The following WIF1 variants were observed in gnomAD, a reference collection of about 807,000 sequenced individuals.
WIF1 encodes Wnt inhibitory factor 1.
In WIF1, 35 loss-of-function variants were observed where a neutral mutation model predicts 53.5. That is an observed-to-expected ratio of 0.65 (90% CI 0.50 to 0.87). WIF1 has a LOEUF of 0.87. WIF1 is among the 40% of genes least tolerant of loss of function. The pLI is 0.00. For missense variants in WIF1, 467 were observed against 476.8 expected (o/e 0.98, Z 0.19); for synonymous variants, 171 against 170.4 (o/e 1.00, Z -0.03).
intron 7 of WIF1, 135 bp from the exon 8 acceptor site, chr12:65,056,261 C>A (rs1349209645): frequency 1.0e-5 from 7 of 676,722 alleles, no homozygotes; most frequent in Non-Finnish European, 1.6e-5. Context: ...TTCAGATCTA[C>A]TCTGGCTTTT....
At chr12:65,119,365 G>T (rs997039511) in intron 2 of WIF1, among the ~76,000 whole-genome samples, 5 of 152,024 alleles carry the variant, frequency 3.3e-5, no homozygotes, top group Admixed American at 1.3e-4. Flanking sequence ...AGTGTTGAAG[G>T]TTCTAGATTT....
At chr12:65,078,271 G>T (rs1882895661) in intron 2 of WIF1, among the ~76,000 whole-genome samples, 1 of 152,100 alleles carries the variant, frequency 6.6e-6, no homozygotes, top group African/African-American at 2.4e-5. Flanking sequence ...TAGAGACAGG[G>T]TTTCACCATG....
At chr12:65,101,757 T>C (rs183263127) in intron 2 of WIF1, among the ~76,000 whole-genome samples, 68 of 152,290 alleles carry the variant, frequency 4.5e-4, no homozygotes, top group African/African-American at 1.6e-3. Context: ...GTGAAATACT[T>C]GTCTGAGGGC....
chr12:65,112,403 A>AACACACACACAC (rs1555188362), intron 2 of WIF1, among the ~76,000 whole-genome samples: 1 of 27,116 alleles, frequency 3.7e-5, no homozygotes, highest in Non-Finnish European at 1.1e-4. Flanking sequence ...CCCTGCTCTA[A>AACACACACACAC]TCACACACAC....
chr12:65,076,876 T>C (rs1882868828), intron 3 of WIF1, among the ~76,000 whole-genome samples: 1 of 151,256 alleles, frequency 6.6e-6, no homozygotes, highest in Admixed American at 6.6e-5. Flanking sequence ...TAGGAAATGG[T>C]TATGTTAAAA....
At chr12:65,112,444 ACACACACC>A (rs1883446773) in intron 2 of WIF1, among the ~76,000 whole-genome samples, 1 of 148,274 alleles carries the variant, frequency 6.7e-6, no homozygotes, top group African/African-American at 2.6e-5. Context: ...ACACACACAC[ACACACACC>A]ATCCTGGAGC....
At chr12:65,083,838 T>TTTCTTTTCTTTTCTTTTC (rs1204368231) in intron 2 of WIF1, 2 of 384,748 alleles carry the variant, frequency 5.2e-6, no homozygotes, top group African/African-American at 4.8e-5. Context: ...TCTCTTTTCT[T>TTTCTTTTCTTTTCTTTTC]TTCTTTTCTT....
chr12:65,086,459 A>T (rs1462239273), intron 2 of WIF1, among the ~76,000 whole-genome samples: 1 of 152,212 alleles, frequency 6.6e-6, no homozygotes, highest in Non-Finnish European at 1.5e-5. Flanking sequence ...AAATGTCATT[A>T]CAAGTGGTGT....
At chr12:65,104,464 G>T (rs1029744086) in intron 2 of WIF1, among the ~76,000 whole-genome samples, 13 of 152,324 alleles carry the variant, frequency 8.5e-5, no homozygotes, top group African/African-American at 2.6e-4. Flanking sequence ...CATGGATTCT[G>T]CAGTCAGACT....
intron 9 of WIF1, among the ~76,000 whole-genome samples, chr12:65,054,377 G>T (rs899526189): frequency 1.3e-5 from 2 of 152,108 alleles, no homozygotes; most frequent in Non-Finnish European, 1.5e-5. Flanking sequence ...ACTCCACAAG[G>T]CAGGGCCTTT....
rs1239951601 is a variant in WIF1, at chr12:65,068,853, A to G, written c.449T>C (p.Phe150Ser). The change falls in exon 4 of 10, where the codon TTT becomes TCT. Residue 150 changes from phenylalanine (F) to serine (S), a missense_variant. Transcript: ENST00000286574. Reference protein sequence around the residue: ...CLGKQDGVAAFEVDVIVMNSE... With the variant: ...CLGKQDGVAASEVDVIVMNSE... ...ATTCATAACAATCACATCCACTTCAAATGCTGCCACCCCATCCTGTTTTCC... is the reference window on the plus strand; with the variant it reads ...ATTCATAACAATCACATCCACTTCAGATGCTGCCACCCCATCCTGTTTTCC... 2 of 1,613,616 alleles carry G rather than the reference A, an allele frequency of 1.2e-6. No homozygotes were observed. Among genetic ancestry groups the G allele is most frequent in the Non-Finnish European group, 1.7e-6 (2 of 1,179,746 alleles).
At chr12:65,054,272 T>C (rs1882490808) in intron 9 of WIF1, 2 of 152,124 alleles carry the variant, frequency 1.3e-5, no homozygotes, top group Admixed American at 1.3e-4. Flanking sequence ...CAAACTAAAG[T>C]GGACAGTGGG....
intron 1 of WIF1, 159 bp from the exon 2 acceptor site, chr12:65,120,715 C>A: frequency 2.2e-6 from 2 of 923,540 alleles, no homozygotes; most frequent in Non-Finnish European, 3.1e-6. Context: ...TAATTTTTCT[C>A]TGTGGATGAT....
intron 2 of WIF1, among the ~76,000 whole-genome samples, chr12:65,085,407 G>A (rs1883021148): frequency 6.6e-6 from 1 of 152,148 alleles, no homozygotes; most frequent in African/African-American, 2.4e-5. Flanking sequence ...ATGAAGTCAG[G>A]TGTGGAATTT....
In WIF1 at chr12:65,084,537, A is replaced by G. The variant is rs563664595; in HGVS notation, c.289-6683T>C. ...CCAGCTTGGCCCTTAAACATCTACCACTATGTATTATTATTTAACTTTTCA... is the reference window on the plus strand; with the variant it reads ...CCAGCTTGGCCCTTAAACATCTACCGCTATGTATTATTATTTAACTTTTCA... On this transcript the variant is annotated intron_variant, in intron 2 of 9. Transcript: ENST00000286574. Among the ~76,000 whole-genome samples the G allele has an allele frequency of 9.2e-5, 14 of 152,286 alleles. No homozygotes were observed. The East Asian group carries it at 2.5e-3, about 27-fold the overall frequency.
chr12:65,078,444 T>C (rs1882897907), intron 2 of WIF1, among the ~76,000 whole-genome samples: 1 of 152,152 alleles, frequency 6.6e-6, no homozygotes, highest in African/African-American at 2.4e-5. Context: ...AAAAATTCTC[T>C]TAGGGAAATA....
At chr12:65,085,295 TG>T (rs1257840021) in intron 2 of WIF1, among the ~76,000 whole-genome samples, 2 of 152,162 alleles carry the variant, frequency 1.3e-5, no homozygotes, top group African/African-American at 4.8e-5. Context: ...ATCTTGGGGA[TG>T]GGACCCAAGT....
intron 2 of WIF1, among the ~76,000 whole-genome samples, chr12:65,098,740 A>G (rs1883240521): frequency 6.6e-6 from 1 of 152,134 alleles, no homozygotes; most frequent in African/African-American, 2.4e-5. Flanking sequence ...ACTGTAGGCA[A>G]CTTTTTCTTT....
intron 3 of WIF1, among the ~76,000 whole-genome samples, chr12:65,073,008 A>C (rs1220361989): frequency 6.6e-6 from 1 of 152,204 alleles, no homozygotes; most frequent in Non-Finnish European, 1.5e-5. Context: ...CTTCTACAGA[A>C]GAAAGCAGCA....
Sources: gnomAD v4.1 joint callset for allele counts (sites outside exome capture counted in the v4.1 genomes callset) on GRCh38, gnomAD v4.1.1 for gene constraint, MANE v1.5 for transcripts, NCBI Gene and HGNC (gene_info 2026-07-23, HGNC 2026-07-21) for gene names.